Variants in PPP3CA observed in about 807,000 individuals in gnomAD.
The protein encoded by PPP3CA is protein phosphatase 3 catalytic subunit alpha, also known as CAM-PRP catalytic subunit.
In PPP3CA, 14 loss-of-function variants were observed where a neutral mutation model predicts 66.5. The observed-to-expected ratio is 0.21, with a 90% CI of 0.14 to 0.33. PPP3CA has a LOEUF of 0.33. Ranked by LOEUF, PPP3CA falls within the 10% of genes least tolerant of loss-of-function variation. The pLI is 1.00. For synonymous variants in PPP3CA, 232 were observed against 226.2 expected, an observed-to-expected ratio of 1.03 and a Z score of -0.23; for missense variants, 317 against 639.5, an observed-to-expected ratio of 0.50 and a Z score of 5.44.
At chr4:101,134,475 C>T (rs923025516) in intron 2 of PPP3CA, among the ~76,000 whole-genome samples, 3 of 151,826 alleles carry the variant, frequency 2.0e-5, no homozygotes, top group Non-Finnish European at 4.4e-5. Flanking sequence ...GGCCAACAAA[C>T]AAAAAAAGCA....
rs138437099 is a variant in PPP3CA, at chr4:101,291,994, G to C, written c.58+54745C>G. 1.5e-3 allele frequency among the ~76,000 whole-genome samples: 228 copies of C among 152,002 alleles called. 1 individual carries two copies. The East Asian group carries it at 0.041, about 27-fold the overall frequency. On this transcript the variant is annotated intron_variant, in intron 1 of 13. Transcript: ENST00000394854. ...AATAAAAAATTAACCAGGCATGGTG[G>C]TGTACTCCTGTAGTCTCAGCTATTC...
chr4:101,089,989 C>A (rs1370345667), intron 6 of PPP3CA, among the ~76,000 whole-genome samples: 2 of 152,160 alleles, frequency 1.3e-5, no homozygotes, highest in Admixed American at 6.5e-5. Context: ...AGTAAACACA[C>A]AAACTACACA....
intron 10 of PPP3CA, among the ~76,000 whole-genome samples, chr4:101,044,249 A>G (rs1727664894): frequency 6.6e-6 from 1 of 152,214 alleles, no homozygotes; most frequent in African/African-American, 2.4e-5. Context: ...AGAGATCATT[A>G]AAACTCTTTT....
chr4:101,193,451 A>C (rs1052589206), intron 2 of PPP3CA, among the ~76,000 whole-genome samples: 1 of 152,094 alleles, frequency 6.6e-6, no homozygotes, highest in Non-Finnish European at 1.5e-5. Context: ...AACAGCTACC[A>C]GTCTAGTCAG....
chr4:101,173,302 T>C (rs1185607276), intron 2 of PPP3CA, among the ~76,000 whole-genome samples: 1 of 151,976 alleles, frequency 6.6e-6, no homozygotes, highest in African/African-American at 2.4e-5. Flanking sequence ...TTATTTGGCC[T>C]GTGGTAAGAG....
chr4:101,316,359 C>A (rs1442662967), intron 1 of PPP3CA, among the ~76,000 whole-genome samples: 3 of 149,106 alleles, frequency 2.0e-5, no homozygotes, highest in Non-Finnish European at 4.4e-5. Flanking sequence ...CTTAGGGAGG[C>A]TATAATACCC....
chr4:101,164,564 T>TTG (rs1041009156), intron 2 of PPP3CA, among the ~76,000 whole-genome samples: 1 of 150,494 alleles, frequency 6.6e-6, no homozygotes, highest in East Asian at 1.9e-4. Context: ...GGATTTAAGT[T>TTG]TTTTTTTTTT....
At chr4:101,097,147 T>C (rs1325251841) in intron 5 of PPP3CA, among the ~76,000 whole-genome samples, 2 of 152,154 alleles carry the variant, frequency 1.3e-5, no homozygotes, top group Non-Finnish European at 2.9e-5. Flanking sequence ...CTACCTATCA[T>C]ACATTAGGCT....
rs376951798 is a variant in PPP3CA at position 101,079,823 on chromosome 4, TAGTA to T, written c.955+705_955+708del. On this transcript the variant is annotated intron_variant, in intron 8 of 13. Coordinates refer to ENST00000394854, the MANE Select transcript of PPP3CA (RefSeq NM_000944.5). The stretch of plus-strand genomic sequence containing the variant: ...CCCCTTGCTCTTCTTCTTTTCCCTG[TAGTA>T]AGTAATAATGCCCTCTTGTTTCATG... 1.7e-4 allele frequency among the ~76,000 whole-genome samples: 26 copies of T among 152,346 alleles called. No individual in the cohort carries two copies. The East Asian group carries it at 3.3e-3, about 19-fold the overall frequency.
At chr4:101,063,013 CTG>C (rs1728538315) in intron 9 of PPP3CA, among the ~76,000 whole-genome samples, 1 of 150,766 alleles carries the variant, frequency 6.6e-6, no homozygotes, top group Non-Finnish European at 1.5e-5. Flanking sequence ...CTAAATATTC[CTG>C]TGTTTTGTTT....
chr4:101,087,411 C>T (rs995742010), intron 6 of PPP3CA, among the ~76,000 whole-genome samples: 1 of 152,162 alleles, frequency 6.6e-6, no homozygotes, highest in Admixed American at 6.5e-5. Context: ...CCCTTGGAAC[C>T]TGCACTCTGA....
chr4:101,345,173 C>T (rs1379461972), intron 1 of PPP3CA, among the ~76,000 whole-genome samples: 2 of 152,116 alleles, frequency 1.3e-5, no homozygotes, highest in Non-Finnish European at 2.9e-5. Flanking sequence ...TGCACCGAAG[C>T]TGAAGCAGGA....
intron 10 of PPP3CA, among the ~76,000 whole-genome samples, chr4:101,055,523 A>G (rs1049029651): frequency 2.6e-5 from 4 of 152,178 alleles, no homozygotes; most frequent in African/African-American, 9.6e-5. Context: ...ACAAGATAAC[A>G]GAAGTTTTAA....
intron 1 of PPP3CA, among the ~76,000 whole-genome samples, chr4:101,203,839 A>G (rs1243254598): frequency 1.3e-5 from 2 of 152,214 alleles, no homozygotes; most frequent in East Asian, 3.9e-4. Context: ...CTTCATTACA[A>G]TTGCAAATGG....
Position 101,196,176 on chromosome 4 carries a change from A to G in PPP3CA, c.59-60T>C, listed in dbSNP as rs1027185093. 2.7e-6 allele frequency: 4 copies of G among 1,455,610 alleles called. No homozygotes were observed. In the African/African-American group the frequency reaches 5.6e-5, roughly 21 times the overall value. 90.2% of individuals were successfully genotyped at this position (1,455,610 alleles called of 1,614,324 possible). On this transcript the variant is annotated intron_variant, in intron 1 of 13. Transcript: ENST00000394854. Reference sequence around the variant, plus strand: ...AAAACTCAACAACAAACAATGCAATAATAACCACCAAATATCCATCCTCAT... The same window carrying G: ...AAAACTCAACAACAAACAATGCAATGATAACCACCAAATATCCATCCTCAT...
At chr4:101,080,809 G>T (rs1396857809) in intron 7 of PPP3CA, among the ~76,000 whole-genome samples, 183 bp from the exon 8 acceptor site, 1 of 152,010 alleles carries the variant, frequency 6.6e-6, no homozygotes, top group Admixed American at 6.5e-5. Context: ...TACATTTCAG[G>T]GGGGTGGGTA....
chr4:101,210,751 T>C (rs1330400539), intron 1 of PPP3CA, among the ~76,000 whole-genome samples: 2 of 152,232 alleles, frequency 1.3e-5, no homozygotes, highest in Admixed American at 1.3e-4. Context: ...TTTATTTCTT[T>C]GTCTTTAAAA....
chr4:101,251,784 T>C (rs2850335), intron 1 of PPP3CA, among the ~76,000 whole-genome samples: 51,004 of 152,090 alleles, frequency 0.34, 9,481 homozygotes, highest in East Asian at 0.67. Context: ...ACACTGCGTT[T>C]AGCTAGCTGG....
At chr4:101,053,371 G>A (rs975838410) in intron 10 of PPP3CA, among the ~76,000 whole-genome samples, 1 of 152,058 alleles carries the variant, frequency 6.6e-6, no homozygotes, top group Non-Finnish European at 1.5e-5. Flanking sequence ...TTAAGTAGCT[G>A]TTGCCTGAAC....
Sources: gnomAD v4.1 joint callset for allele counts (sites outside exome capture counted in the v4.1 genomes callset) on GRCh38, gnomAD v4.1.1 for gene constraint, MANE v1.5 for transcripts, NCBI Gene and HGNC (gene_info 2026-07-23, HGNC 2026-07-21) for gene names.